Variants in CTXND1 observed in about 807,000 individuals in gnomAD.
CTXND1 encodes cortexin domain containing 1, also known as cortexin domain-containing 1 protein.
intron 1 of CTXND1, among the ~76,000 whole-genome samples, chr15:80,217,340 A>G (rs1366155174): frequency 1.3e-5 from 2 of 152,090 alleles, no homozygotes; most frequent in African/African-American, 4.8e-5. Context: ...TTTGTATACT[A>G]TTTTCTAATA....
chr15:80,229,595 T>C (rs1386981186), intron 1 of CTXND1, among the ~76,000 whole-genome samples: 1 of 152,198 alleles, frequency 6.6e-6, no homozygotes, highest in Non-Finnish European at 1.5e-5. Flanking sequence ...ATTCTTACAT[T>C]GAAACTCTGT....
chr15:80,229,176 A>G (rs183942286), intron 1 of CTXND1, among the ~76,000 whole-genome samples: 10 of 152,144 alleles, frequency 6.6e-5, no homozygotes, highest in Admixed American at 1.3e-4. Context: ...ATCCCCACTC[A>G]CCTGGCTCCT....
chr15:80,236,569 G>A (rs534552620), intron 1 of CTXND1, among the ~76,000 whole-genome samples: 1 of 152,068 alleles, frequency 6.6e-6, no homozygotes, highest in Non-Finnish European at 1.5e-5. Flanking sequence ...GATCACCTGA[G>A]GTCAGGAGAT....
chr15:80,242,555 G>A (rs528125507), intron 1 of CTXND1, among the ~76,000 whole-genome samples: 1 of 152,370 alleles, frequency 6.6e-6, no homozygotes, highest in African/African-American at 2.4e-5. Flanking sequence ...ACTAGTCAAT[G>A]CCGAGGGAGG....
chr15:80,251,618 T>C (rs898595997), intron 1 of CTXND1, among the ~76,000 whole-genome samples: 8 of 152,174 alleles, frequency 5.3e-5, no homozygotes, highest in African/African-American at 1.9e-4. Context: ...GATCCCCGAA[T>C]GGGGAGGTGA....
intron 1 of CTXND1, among the ~76,000 whole-genome samples, chr15:80,247,124 T>A (rs1010982149): frequency 6.6e-6 from 1 of 152,124 alleles, no homozygotes; most frequent in African/African-American, 2.4e-5. Context: ...GGAGTTAAGA[T>A]TTGAAGACAG....
intron 1 of CTXND1, among the ~76,000 whole-genome samples, chr15:80,221,597 AT>A: frequency 6.6e-6 from 1 of 152,000 alleles, no homozygotes; most frequent in Non-Finnish European, 1.5e-5. Context: ...AATAAAAATG[AT>A]TTTTTTTGGT....
rs981015512 is a variant in CTXND1 at position 80,200,189 on chromosome 15, G to C, written c.*1581C>G. 1 of 152,188 alleles carries C rather than the reference G, an allele frequency of 6.6e-6. No individual in the cohort carries two copies. The highest frequency in any genetic ancestry group is 1.5e-5 in the Non-Finnish European group (1 of 68,080). 9.4% of individuals were successfully genotyped at this position (152,188 alleles called of 1,614,324 possible). On this transcript the variant is annotated 3_prime_UTR_variant, in exon 3 of 3. Coordinates refer to ENST00000560778, the MANE Select transcript of CTXND1 (RefSeq NM_001352888.2). Reference sequence around the variant, plus strand: ...GTGCCAGGCTCTGTAGGGGCAGGGGGCACCCAGAACCTCTGCTCCTCCCAG... The same window carrying C: ...GTGCCAGGCTCTGTAGGGGCAGGGGCCACCCAGAACCTCTGCTCCTCCCAG...
intron 1 of CTXND1, among the ~76,000 whole-genome samples, chr15:80,236,644 G>A (rs1385887363): frequency 2.0e-5 from 3 of 152,156 alleles, no homozygotes; most frequent in Non-Finnish European, 4.4e-5. Flanking sequence ...TTAGCCAGGT[G>A]TGGTGGTGTG....
At chr15:80,225,019 C>A (rs1391995499) in intron 1 of CTXND1, among the ~76,000 whole-genome samples, 1 of 152,240 alleles carries the variant, frequency 6.6e-6, no homozygotes, top group African/African-American at 2.4e-5. Context: ...GCTGGGATTA[C>A]CGGCGTGAAC....
At chr15:80,243,391 G>C (rs1384686770) in intron 1 of CTXND1, among the ~76,000 whole-genome samples, 2 of 152,102 alleles carry the variant, frequency 1.3e-5, no homozygotes, top group African/African-American at 4.8e-5. Context: ...CATATTCTCT[G>C]GGTCAGGCCC....
intron 1 of CTXND1, among the ~76,000 whole-genome samples, chr15:80,244,192 T>C (rs534502763): frequency 6.6e-6 from 1 of 152,358 alleles, no homozygotes; most frequent in East Asian, 1.9e-4. Flanking sequence ...CTGCTGAACG[T>C]AAGTAATCCT....
intron 1 of CTXND1, among the ~76,000 whole-genome samples, chr15:80,223,673 A>T (rs1802157944): frequency 6.6e-6 from 1 of 152,176 alleles, no homozygotes; most frequent in African/African-American, 2.4e-5. Flanking sequence ...CACTCCTATC[A>T]ACAGTCCCAG....
intron 1 of CTXND1, among the ~76,000 whole-genome samples, chr15:80,236,271 G>A (rs1324924609): frequency 2.6e-5 from 4 of 151,880 alleles, no homozygotes; most frequent in African/African-American, 9.7e-5. Flanking sequence ...GAAACAAAAC[G>A]ATTAAAATCA....
chr15:80,251,327 G>GA (rs1002211478), intron 1 of CTXND1, among the ~76,000 whole-genome samples: 1 of 152,146 alleles, frequency 6.6e-6, no homozygotes, highest in Non-Finnish European at 1.5e-5. Flanking sequence ...CACTGATACG[G>GA]AAAAATATAT....
At chr15:80,217,515 A>AGCTT (rs1211516791) in intron 1 of CTXND1, among the ~76,000 whole-genome samples, 7 of 143,698 alleles carry the variant, frequency 4.9e-5, no homozygotes, top group South Asian at 2.3e-4. Context: ...GCTCTCCAAT[A>AGCTT]GCTTGCTTAT....
At chr15:80,245,033 A>G (rs1893612752) in intron 1 of CTXND1, among the ~76,000 whole-genome samples, 1 of 152,192 alleles carries the variant, frequency 6.6e-6, no homozygotes, top group Non-Finnish European at 1.5e-5. Context: ...CATGGGTAAA[A>G]TAGGGGTGAG....
intron 1 of CTXND1, among the ~76,000 whole-genome samples, chr15:80,248,002 G>A (rs1893653552): frequency 6.6e-6 from 1 of 152,166 alleles, no homozygotes; most frequent in Admixed American, 6.5e-5. Context: ...CTATCGTAGA[G>A]GGCACCAGAC....
chr15:80,238,832 C>T (rs934448451), intron 1 of CTXND1, among the ~76,000 whole-genome samples: 7 of 152,232 alleles, frequency 4.6e-5, no homozygotes, highest in Non-Finnish European at 1.0e-4. Context: ...GTATTCAGTA[C>T]AATAACATAC....
Sources: gnomAD v4.1 joint callset for allele counts (sites outside exome capture counted in the v4.1 genomes callset) on GRCh38, gnomAD v4.1.1 for gene constraint, MANE v1.5 for transcripts, NCBI Gene and HGNC (gene_info 2026-07-23, HGNC 2026-07-21) for gene names.